FOXO1: variants seen among roughly 807,000 people sequenced by gnomAD.
The protein encoded by FOXO1 is forkhead box O1.
Under a neutral mutation model 44.1 loss-of-function variants are expected in FOXO1, and 6 were observed. The observed-to-expected ratio is 0.14, with a 90% CI of 0.07 to 0.27. FOXO1 has a LOEUF of 0.27. Among genes scored for constraint, FOXO1 ranks in the 10% least tolerant of loss-of-function variants. The pLI is 1.00. For synonymous variants in FOXO1, 380 were observed against 362.7 expected (o/e 1.05, Z -0.54); for missense variants, 737 against 888.8 (o/e 0.83, Z 2.17).
chr13:40,597,641 G>C (rs1471011230), intron 1 of FOXO1, among the ~76,000 whole-genome samples: 1 of 152,120 alleles, frequency 6.6e-6, no homozygotes, highest in Non-Finnish European at 1.5e-5. Context: ...TCCTGCCCTA[G>C]AAAGAACTTT....
intron 1 of FOXO1, among the ~76,000 whole-genome samples, chr13:40,599,175 C>A (rs1875718472): frequency 6.7e-6 from 1 of 148,306 alleles, no homozygotes; most frequent in African/African-American, 2.5e-5. Context: ...AAGATACCAA[C>A]TGAACAAAAC....
intron 1 of FOXO1, among the ~76,000 whole-genome samples, chr13:40,579,480 CA>C (rs899265998): frequency 3.3e-5 from 5 of 152,080 alleles, no homozygotes; most frequent in Admixed American, 3.3e-4. Flanking sequence ...AAGAATGGGC[CA>C]AATCTTTTCC....
intron 1 of FOXO1, among the ~76,000 whole-genome samples, chr13:40,661,484 A>T (rs1056935430): frequency 6.6e-6 from 1 of 152,148 alleles, no homozygotes; most frequent in African/African-American, 2.4e-5. Context: ...TTTAGTAGAG[A>T]TGAGGTTTCA....
chr13:40,565,467 C>A (rs558315758), intron 1 of FOXO1, among the ~76,000 whole-genome samples: 12 of 152,174 alleles, frequency 7.9e-5, no homozygotes, highest in Non-Finnish European at 1.5e-4. Context: ...ATGACCTCAT[C>A]CCATCCTGCA....
intron 1 of FOXO1, 53 bp downstream of exon 1, chr13:40,665,530 C>T: frequency 1.5e-6 from 2 of 1,326,002 alleles, no homozygotes; most frequent in Non-Finnish European, 2.0e-6. Context: ...CAGCTGCGCC[C>T]TCGCCTGACC....
intron 1 of FOXO1, among the ~76,000 whole-genome samples, chr13:40,637,363 G>C (rs1471483755): frequency 7.0e-6 from 1 of 143,496 alleles, no homozygotes; most frequent in Non-Finnish European, 1.5e-5. Flanking sequence ...AGAATAGCTT[G>C]AACCCGGGAG....
intron 1 of FOXO1, among the ~76,000 whole-genome samples, chr13:40,606,709 A>G (rs1348827428): frequency 6.6e-6 from 1 of 152,162 alleles, no homozygotes; most frequent in Admixed American, 6.5e-5. Flanking sequence ...GAGGGCTGTA[A>G]GAGTGATTGT....
intron 1 of FOXO1, chr13:40,619,429 C>T (rs1876535825): frequency 2.8e-6 from 3 of 1,070,336 alleles, no homozygotes; most frequent in African/African-American, 1.6e-5. Flanking sequence ...TCAAAGTGGA[C>T]AAAATGGGAA....
intron 1 of FOXO1, among the ~76,000 whole-genome samples, chr13:40,634,074 A>G (rs1330190802): frequency 6.6e-6 from 1 of 152,226 alleles, no homozygotes; most frequent in Non-Finnish European, 1.5e-5. Context: ...GCACTTTACA[A>G]TCTAGTAACT....
chr13:40,636,323 T>C (rs949732191), intron 1 of FOXO1, among the ~76,000 whole-genome samples: 1 of 152,096 alleles, frequency 6.6e-6, no homozygotes, highest in Non-Finnish European at 1.5e-5. Flanking sequence ...GGGTCTCCAT[T>C]TCCTGACCTG....
intron 1 of FOXO1, among the ~76,000 whole-genome samples, chr13:40,631,271 C>T (rs1055346508): frequency 2.0e-5 from 3 of 152,136 alleles, no homozygotes; most frequent in African/African-American, 7.2e-5. Flanking sequence ...ATTCCATAAA[C>T]TATGACTGTG....
At chr13:40,595,781 C>G in intron 1 of FOXO1, among the ~76,000 whole-genome samples, 1 of 152,068 alleles carries the variant, frequency 6.6e-6, no homozygotes, top group East Asian at 1.9e-4. Flanking sequence ...TCACCTCAAA[C>G]ATTTGTCATT....
intron 1 of FOXO1, among the ~76,000 whole-genome samples, chr13:40,594,500 A>G (rs909264161): frequency 2.6e-5 from 4 of 152,338 alleles, no homozygotes; most frequent in Non-Finnish European, 2.9e-5. Context: ...AGTTACTGAA[A>G]GAGCAGAATG....
chr13:40,627,349 T>C (rs938562273), intron 1 of FOXO1, among the ~76,000 whole-genome samples: 3 of 152,174 alleles, frequency 2.0e-5, no homozygotes, highest in African/African-American at 7.2e-5. Flanking sequence ...TTCCAAGGTG[T>C]CAATGGCATG....
chr13:40,636,666 C>T (rs1003498346), intron 1 of FOXO1, among the ~76,000 whole-genome samples: 1 of 152,036 alleles, frequency 6.6e-6, no homozygotes, highest in Admixed American at 6.6e-5. Context: ...AGATTACAGG[C>T]ATGCACCACC....
chr13:40,631,259 G>T (rs562045333), intron 1 of FOXO1, among the ~76,000 whole-genome samples: 1 of 152,084 alleles, frequency 6.6e-6, no homozygotes, highest in East Asian at 1.9e-4. Context: ...GTTTAGGGCC[G>T]CATTCCATAA....
intron 1 of FOXO1, among the ~76,000 whole-genome samples, chr13:40,631,126 G>T (rs1161274833): frequency 1.3e-5 from 2 of 152,238 alleles, no homozygotes; most frequent in Non-Finnish European, 2.9e-5. Context: ...TCAGGGCCAA[G>T]AGAGGCTGGA....
At chr13:40,576,739 T>C (rs1874761644) in intron 1 of FOXO1, among the ~76,000 whole-genome samples, 1 of 152,230 alleles carries the variant, frequency 6.6e-6, no homozygotes, top group Non-Finnish European at 1.5e-5. Flanking sequence ...CATAATCTGA[T>C]ATTTTCATAG....
At chr13:40,599,461 T>C (rs1456096001) in intron 1 of FOXO1, among the ~76,000 whole-genome samples, 1 of 152,344 alleles carries the variant, frequency 6.6e-6, no homozygotes, top group African/African-American at 2.4e-5. Flanking sequence ...AAGGCTCAAA[T>C]GGGCTGTGTA....
Sources: allele counts gnomAD v4.1 joint callset (sites outside exome capture counted in the v4.1 genomes callset), GRCh38; gene constraint gnomAD v4.1.1; transcripts MANE v1.5; gene names NCBI Gene and HGNC (gene_info 2026-07-23, HGNC 2026-07-21).